WDR25: variants seen among roughly 807,000 people sequenced by gnomAD.
The protein encoded by WDR25 is WD repeat domain 25.
WDR25 carries 35 observed loss-of-function variants against 47.7 expected under a neutral mutation model. The observed-to-expected ratio is 0.73, with a 90% CI of 0.56 to 0.97. The LOEUF is 0.97. Among genes scored for constraint, WDR25 ranks in the 50% least tolerant of loss-of-function variants. The pLI is 0.00. For missense variants in WDR25, 634 were observed against 704.7 expected, an observed-to-expected ratio of 0.90 and a Z score of 1.14; for synonymous variants, 248 against 278.9, an observed-to-expected ratio of 0.89 and a Z score of 1.10.
chr14:100,523,036 CT>C lies in WDR25; in HGVS notation c.1102-2833del. Reference sequence around the variant, plus strand: ...GTGAATGTCATCTCACCCGGGGGTCCTGGGAGAGCCAGTGGCAAAGGCTTTT... The same window carrying C: ...GTGAATGTCATCTCACCCGGGGGTCCGGGAGAGCCAGTGGCAAAGGCTTTT... On this transcript the variant is annotated intron_variant, in intron 4 of 6. Coordinates refer to ENST00000402312, the MANE Select transcript of WDR25 (RefSeq NM_001161476.3). The surrounding 1 kb of genome is among the most constrained non-coding windows in gnomAD (Gnocchi z 4.7). Among the ~76,000 whole-genome samples, 1 of 152,344 alleles carries C rather than the reference CT, an allele frequency of 6.6e-6. No individual in the cohort carries two copies. Among genetic ancestry groups the C allele is most frequent in the South Asian group, 2.1e-4 (1 of 4,834 alleles).
At chr14:100,471,914 C>T (rs560155416) in intron 3 of WDR25, among the ~76,000 whole-genome samples, 36 of 152,364 alleles carry the variant, frequency 2.4e-4, no homozygotes, top group African/African-American at 8.2e-4. Context: ...CCTAACAAAA[C>T]GTCTGTGGCA....
At chr14:100,435,916 C>T (rs906908739) in intron 2 of WDR25, among the ~76,000 whole-genome samples, 1 of 152,126 alleles carries the variant, frequency 6.6e-6, no homozygotes, top group Non-Finnish European at 1.5e-5. Context: ...TGAGAGTCCT[C>T]TGGTGTGAGG....
Position 100,482,879 on chromosome 14 carries a change from C to CG in WDR25, c.971-1112dup, listed in dbSNP as rs561245814. Among the ~76,000 whole-genome samples the CG allele has an allele frequency of 9.4e-3, 1,425 of 152,344 alleles. 16 individuals carry two copies. The highest frequency in any genetic ancestry group is 0.033 in the South Asian group (159 of 4,830). On this transcript the variant is annotated intron_variant, in intron 3 of 6. Transcript: ENST00000402312. ...GCTCAGTCCCATGGGGGAGTTTCTA[C>CG]GGGTACAAGGCAGTCAAGGTTCTTC... is the stretch of plus-strand genomic sequence containing the variant.
Position 100,392,504 on chromosome 14 carries a change from T to G in WDR25, c.822+10758T>G, listed in dbSNP as rs1273670206. ...ATGACTCAGCAGCATTACAAAACCA[T>G]AAGCAAAATCCACCAACTCGACCAT... is the stretch of plus-strand genomic sequence containing the variant. On this transcript the variant is annotated intron_variant, in intron 2 of 6. Transcript: ENST00000402312. This position sits in a 1 kb window ranked among gnomAD's most constrained non-coding sequence, Gnocchi z 4.2. 6.6e-6 allele frequency among the ~76,000 whole-genome samples: 1 copy of G among 152,002 alleles called. No homozygotes were observed. The highest frequency in any genetic ancestry group is 2.1e-4 in the South Asian group (1 of 4,816).
intron 3 of WDR25, among the ~76,000 whole-genome samples, chr14:100,470,413 G>A (rs1036622947): frequency 3.3e-5 from 5 of 152,210 alleles, no homozygotes; most frequent in Non-Finnish European, 5.9e-5. Flanking sequence ...TTCATTTGAT[G>A]GCATTGATGG....
At chr14:100,391,706 AC>A (rs568517250) in intron 2 of WDR25, among the ~76,000 whole-genome samples, 319 of 151,650 alleles carry the variant, frequency 2.1e-3, no homozygotes, top group Non-Finnish European at 3.0e-3. Context: ...TCTAATTTAA[AC>A]CCTTCTTTCC....
intron 2 of WDR25, among the ~76,000 whole-genome samples, chr14:100,441,507 G>A (rs544159207): frequency 6.6e-6 from 1 of 152,176 alleles, no homozygotes; most frequent in African/African-American, 2.4e-5. Flanking sequence ...CCCAGAGTGT[G>A]TGGGTCTTGG....
chr14:100,463,320 A>G (rs1216441452), intron 2 of WDR25, among the ~76,000 whole-genome samples: 2 of 152,224 alleles, frequency 1.3e-5, no homozygotes, highest in Non-Finnish European at 2.9e-5. Flanking sequence ...TCAAATCCCC[A>G]GGTGTGTCTG....
chr14:100,491,189 G>A lies in WDR25; in HGVS notation c.1101+7065G>A, dbSNP rs148900243. ...ATTTCCTCGTGGCCTCTTGGGAGGT[G>A]GACTGGGTGCTGCCACCATCCCCTT... On this transcript the variant is annotated intron_variant, in intron 4 of 6. Coordinates refer to ENST00000402312, the MANE Select transcript of WDR25 (RefSeq NM_001161476.3). 9.8e-5 allele frequency among the ~76,000 whole-genome samples: 15 copies of A among 152,338 alleles called. No individual in the cohort carries two copies. The East Asian group carries it at 2.9e-3, about 29-fold the overall frequency.
chr14:100,494,062 T>C (rs7150047), intron 4 of WDR25, among the ~76,000 whole-genome samples: 5,134 of 152,304 alleles, frequency 0.034, 286 homozygotes, highest in African/African-American at 0.12. Context: ...CTTCAATTTT[T>C]ATTTCTTGTT....
In WDR25 at chr14:100,530,108, A is replaced by G; in HGVS notation, c.*67A>G. 1 of 1,510,578 alleles carries G rather than the reference A, an allele frequency of 6.6e-7. No individual in the cohort carries two copies. The highest frequency in any genetic ancestry group is 9.0e-7 in the Non-Finnish European group (1 of 1,112,902). 93.6% of individuals were successfully genotyped at this position (1,510,578 alleles called of 1,614,324 possible). On this transcript the variant is annotated 3_prime_UTR_variant, in exon 7 of 7. Transcript: ENST00000402312. Reference sequence around the variant, plus strand: ...GGACTCCCCTCTTCCTCAAGGGTAGATGAGAGGAACGAGCACAGAGGTTGG... The same window carrying G: ...GGACTCCCCTCTTCCTCAAGGGTAGGTGAGAGGAACGAGCACAGAGGTTGG...
intron 4 of WDR25, among the ~76,000 whole-genome samples, chr14:100,513,815 A>G (rs1901393897): frequency 6.6e-6 from 1 of 151,850 alleles, no homozygotes; most frequent in Non-Finnish European, 1.5e-5. Context: ...GGCATGAGCC[A>G]CTGTGCCCAG....
At chr14:100,470,927 C>T (rs948858804) in intron 3 of WDR25, among the ~76,000 whole-genome samples, 1 of 152,308 alleles carries the variant, frequency 6.6e-6, no homozygotes, top group African/African-American at 2.4e-5. Context: ...GAATGGCGCT[C>T]ACCACTGGGT....
In WDR25 at chr14:100,468,077, G is replaced by GGCAGTGCGGGCC; in HGVS notation, c.882_893dup (p.Val295_Ala298dup). 6.2e-7 allele frequency: 1 copy of GGCAGTGCGGGCC among 1,613,574 alleles called. No homozygotes were observed. The highest frequency in any genetic ancestry group is 8.5e-7 in the Non-Finnish European group (1 of 1,180,030). On this transcript the variant is annotated inframe_insertion, in exon 3 of 7. Transcript: ENST00000402312. This position sits in a 1 kb window ranked among gnomAD's most constrained non-coding sequence, Gnocchi z 4.5. ...TGCAGACCTACTCCCTGCACACAGA[G>GGCAGTGCGGGCC]GCAGTGCGGGCCGCCCGGTGGGCTC...
At chr14:100,522,207 T>A (rs116100075) in intron 4 of WDR25, among the ~76,000 whole-genome samples, 2,199 of 152,332 alleles carry the variant, frequency 0.014, 60 homozygotes, top group African/African-American at 0.05. Flanking sequence ...ATTTACTTGC[T>A]TGCTTTCTGC....
chr14:100,408,488 A>G (rs2140185134), intron 2 of WDR25, among the ~76,000 whole-genome samples: 1 of 152,282 alleles, frequency 6.6e-6, no homozygotes, highest in South Asian at 2.1e-4. Context: ...TGCAGCCCTC[A>G]GTGCTGTCTC....
intron 4 of WDR25, among the ~76,000 whole-genome samples, chr14:100,485,071 A>G (rs913706750): frequency 7.9e-5 from 12 of 152,152 alleles, no homozygotes; most frequent in Non-Finnish European, 1.5e-4. Flanking sequence ...CAGCCCCACT[A>G]GGCTCCTTGC....
At chr14:100,383,019 C>T (rs1389702069) in intron 2 of WDR25, among the ~76,000 whole-genome samples, 1 of 152,234 alleles carries the variant, frequency 6.6e-6, no homozygotes, top group Non-Finnish European at 1.5e-5. Context: ...TTTTCTCTTG[C>T]AAATTACATT....
In WDR25 at chr14:100,414,313, C is replaced by CTTTT. The variant is rs1202018412; in HGVS notation, c.822+32583_822+32586dup. On this transcript the variant is annotated intron_variant, in intron 2 of 6. Transcript: ENST00000402312. ...CACCGCGCCCAGCCTAGAGGTAGTT[C>CTTTT]TTTTTTTTTTTTTTTTTTTGAGACA... Among the ~76,000 whole-genome samples the CTTTT allele has an allele frequency of 9.0e-4, 93 of 102,860 alleles. 2 individuals carry two copies. Among genetic ancestry groups the CTTTT allele is most frequent in the African/African-American group, 3.5e-3 (92 of 26,308 alleles). 67.5% of individuals were successfully genotyped at this position (102,860 alleles called of 152,430 possible).
Sources: gnomAD v4.1 joint callset for allele counts (sites outside exome capture counted in the v4.1 genomes callset) on GRCh38, gnomAD v4.1.1 for gene constraint, Gnocchi (gnomAD v3.1) non-coding constraint, MANE v1.5 for transcripts, NCBI Gene and HGNC (gene_info 2026-07-23, HGNC 2026-07-21) for gene names.